The following RASAL2 variants were observed in gnomAD, a reference collection of about 807,000 sequenced individuals.
RASAL2 encodes RAS protein activator like 2.
Under a neutral mutation model 128.9 loss-of-function variants are expected in RASAL2, and 58 were observed. The ratio of observed to expected loss-of-function variants is 0.45; its 90% CI spans 0.36 to 0.56. RASAL2 has a LOEUF of 0.56. Among genes scored for constraint, RASAL2 ranks in the 20% least tolerant of loss-of-function variants. RASAL2 has a pLI of 0.00. For missense variants in RASAL2, 1,360 were observed against 1,601.6 expected (o/e 0.85, Z 2.57); for synonymous variants, 561 against 580.8 (o/e 0.97, Z 0.49).
chr1:178,423,960 G>C (rs73037514), intron 5 of RASAL2, among the ~76,000 whole-genome samples: 2,136 of 152,056 alleles, frequency 0.014, 49 homozygotes, highest in African/African-American at 0.048. Context: ...ATGTCTTCAA[G>C]TTACATGGAA....
At chr1:178,443,403 A>T (rs1187225169) in intron 8 of RASAL2, among the ~76,000 whole-genome samples, 174 bp downstream of exon 8, 1 of 152,202 alleles carries the variant, frequency 6.6e-6, no homozygotes, top group Non-Finnish European at 1.5e-5. Context: ...TATAAAACTA[A>T]ACAAGTAAAA....
At chr1:178,382,356 G>A (rs1390470689) in intron 3 of RASAL2, among the ~76,000 whole-genome samples, 1 of 152,104 alleles carries the variant, frequency 6.6e-6, no homozygotes, top group Non-Finnish European at 1.5e-5. Context: ...CAGCATTCAA[G>A]GATTGAGTTG....
chr1:178,218,320 T>C (rs377252225), intron 1 of RASAL2, among the ~76,000 whole-genome samples: 5 of 152,318 alleles, frequency 3.3e-5, no homozygotes, highest in African/African-American at 9.6e-5. Context: ...ACTAAGTGCA[T>C]TGTCAATGAG....
At chr1:178,402,153 C>A (rs564082490) in intron 4 of RASAL2, among the ~76,000 whole-genome samples, 1 of 152,100 alleles carries the variant, frequency 6.6e-6, no homozygotes, top group Non-Finnish European at 1.5e-5. Context: ...TGTTGGCTCA[C>A]GCCTGTAATC....
At chr1:178,337,557 G>A (rs2102392502) in intron 3 of RASAL2, among the ~76,000 whole-genome samples, 1 of 152,220 alleles carries the variant, frequency 6.6e-6, no homozygotes, top group East Asian at 1.9e-4. Context: ...ATGATCATCT[G>A]CTGTTCAAAA....
intron 1 of RASAL2, among the ~76,000 whole-genome samples, chr1:178,138,151 A>T (rs925063527): frequency 6.6e-5 from 10 of 152,182 alleles, no homozygotes; most frequent in Admixed American, 2.6e-4. Context: ...AATTCAGATT[A>T]TTATGGGAAT....
intron 2 of RASAL2, among the ~76,000 whole-genome samples, chr1:178,288,642 CTTTTTTTTTTTTT>C (rs60150701): frequency 1.0e-5 from 1 of 97,276 alleles, no homozygotes; most frequent in Admixed American, 1.2e-4. Flanking sequence ...CTTTCTCTCT[CTTTTTTTTTTTTT>C]TTTTTTTTTT....
At chr1:178,139,183 T>C (rs1314346124) in intron 1 of RASAL2, among the ~76,000 whole-genome samples, 1 of 152,012 alleles carries the variant, frequency 6.6e-6, no homozygotes, top group Non-Finnish European at 1.5e-5. Context: ...TAAAAATATC[T>C]AGTGGATCTC....
In RASAL2 at chr1:178,475,944, G is replaced by A. The variant is rs1384100126; in HGVS notation, c.*2705G>A. On this transcript the variant is annotated 3_prime_UTR_variant, in exon 18 of 18. Coordinates refer to ENST00000367649, the MANE Select transcript of RASAL2 (RefSeq NM_170692.4). ...TTTTCTCAGTATTTCTTTAGAGAAT[G>A]CTGCAATCTGTATAAGTTACTCTGA... 6.6e-6 allele frequency: 1 copy of A among 152,212 alleles called. No homozygotes were observed. Among genetic ancestry groups the A allele is most frequent in the Non-Finnish European group, 1.5e-5 (1 of 68,050 alleles). The allele number at this position is 152,212 out of a possible 1,614,324, so 9.4% of individuals were successfully genotyped here.
At position 178,267,028 on chromosome 1, in the gene RASAL2, A is replaced by G. The variant is rs561366677; in HGVS notation, c.203-16536A>G. 7.9e-5 allele frequency among the ~76,000 whole-genome samples: 12 copies of G among 152,248 alleles called. No individual in the cohort carries two copies. The South Asian group carries it at 1.7e-3, about 21-fold the overall frequency. On this transcript the variant is annotated intron_variant, in intron 1 of 17. Coordinates refer to ENST00000367649, the MANE Select transcript of RASAL2 (RefSeq NM_170692.4). ...AAGAGCTGGGCTTTCCTGCTAGACA[A>G]GAAATGTTTCTGAAGCTGCTTCGAA...
chr1:178,440,371 C>T (rs1676551330), intron 6 of RASAL2, among the ~76,000 whole-genome samples: 1 of 151,940 alleles, frequency 6.6e-6, no homozygotes. Flanking sequence ...GTACAATCTG[C>T]ATGCATATCC....
intron 1 of RASAL2, among the ~76,000 whole-genome samples, chr1:178,106,376 G>T (rs577581279): frequency 6.6e-6 from 1 of 152,246 alleles, no homozygotes; most frequent in South Asian, 2.1e-4. Flanking sequence ...ACAACTTTAT[G>T]TGTATTTGTA....
rs979715562 is a variant in RASAL2 at position 178,400,777 on chromosome 1, C to T, written c.564+10571C>T. ...AATTAATTAATTAATTATTTTGAGACGGTGTCTCAGTCACTCAGGTTGGAA... is the reference window on the plus strand; with the variant it reads ...AATTAATTAATTAATTATTTTGAGATGGTGTCTCAGTCACTCAGGTTGGAA... On this transcript the variant is annotated intron_variant, in intron 4 of 17. Transcript: ENST00000367649. 5.3e-5 allele frequency among the ~76,000 whole-genome samples: 8 copies of T among 152,146 alleles called. No homozygotes were observed. In the South Asian group the frequency reaches 8.3e-4, roughly 16 times the overall value.
intron 5 of RASAL2, among the ~76,000 whole-genome samples, chr1:178,435,171 A>G: frequency 6.6e-6 from 1 of 151,958 alleles, no homozygotes; most frequent in South Asian, 2.1e-4. Flanking sequence ...GGAGTCCAGG[A>G]TTTTATGTGG....
At chr1:178,423,101 T>C (rs1421993548) in intron 5 of RASAL2, among the ~76,000 whole-genome samples, 2 of 152,140 alleles carry the variant, frequency 1.3e-5, no homozygotes, top group East Asian at 3.8e-4. Flanking sequence ...ATAAATATTT[T>C]GTACTCTCCC....
chr1:178,242,836 C>T (rs975248528), intron 1 of RASAL2, among the ~76,000 whole-genome samples: 4 of 152,180 alleles, frequency 2.6e-5, no homozygotes, highest in African/African-American at 7.2e-5. Flanking sequence ...AAGCGATCCT[C>T]ACACCTCAGT....
In RASAL2 at chr1:178,438,931, G is replaced by GTGT. The variant is rs1553233734; in HGVS notation, c.675-490_675-489insGTT. ...TGTGTGTGTGTGTGTGTGTGTGTGT[G>GTGT]TTTTGCCAAAGTAGAAAGAAACAAA... On this transcript the variant is annotated intron_variant, in intron 5 of 17. Transcript: ENST00000367649. 8.0e-5 allele frequency among the ~76,000 whole-genome samples: 11 copies of GTGT among 137,770 alleles called. No homozygotes were observed. The East Asian group carries it at 2.2e-3, about 28-fold the overall frequency. The allele number at this position is 137,770 out of a possible 152,430, so 90.4% of individuals were successfully genotyped here. A position where few individuals can be genotyped will look rare whatever the true frequency, so the allele number is the denominator to read the frequency against.
chr1:178,298,125 A>G (rs1667600718), intron 2 of RASAL2, among the ~76,000 whole-genome samples: 1 of 152,164 alleles, frequency 6.6e-6, no homozygotes, highest in African/African-American at 2.4e-5. Context: ...AGGCAGATAC[A>G]GGATATGTTT....
At chr1:178,461,241 T>C (rs542793482) in intron 14 of RASAL2, among the ~76,000 whole-genome samples, 135 of 152,358 alleles carry the variant, frequency 8.9e-4, no homozygotes, top group African/African-American at 3.1e-3. Flanking sequence ...GCAAATTGTG[T>C]TGGGGAATTC....
Sources: allele counts gnomAD v4.1 joint callset (sites outside exome capture counted in the v4.1 genomes callset), GRCh38; gene constraint gnomAD v4.1.1; transcripts MANE v1.5; gene names NCBI Gene and HGNC (gene_info 2026-07-23, HGNC 2026-07-21).